E2F8: variants seen among roughly 807,000 people sequenced by gnomAD.
The protein encoded by E2F8 is E2F transcription factor 8, also known as transcription factor E2F8.
E2F8 carries 35 observed loss-of-function variants against 80.8 expected under a neutral mutation model. The ratio of observed to expected loss-of-function variants is 0.43; its 90% CI spans 0.33 to 0.57. E2F8 has a LOEUF of 0.57. Ranked by LOEUF, E2F8 falls within the 20% of genes least tolerant of loss-of-function variation. The pLI is 0.04. For missense variants in E2F8, 975 were observed against 1,056.2 expected (o/e 0.92, Z 1.07); for synonymous variants, 386 against 395.0 (o/e 0.98, Z 0.27).
rs189039019 is a variant in E2F8, at chr11:19,229,387, G to A, written c.1893+67C>T. ...GAATGCTCTTCGGTAAATTTCACAAGCCACCAATCTTCCTGTAATAGACTA... is the reference window on the plus strand; with the variant it reads ...GAATGCTCTTCGGTAAATTTCACAAACCACCAATCTTCCTGTAATAGACTA... On this transcript the variant is annotated intron_variant, in intron 10 of 12. Coordinates refer to ENST00000250024, the MANE Select transcript of E2F8 (RefSeq NM_024680.4). The surrounding 1 kb of genome is among the most constrained non-coding windows in gnomAD (Gnocchi z 4.3). 3.3e-6 allele frequency: 5 copies of A among 1,524,260 alleles called. No homozygotes were observed. In the African/African-American group the frequency reaches 5.6e-5, roughly 17 times the overall value. The allele number at this position is 1,524,260 out of a possible 1,614,324, so 94.4% of individuals were successfully genotyped here. A position where few individuals can be genotyped will look rare whatever the true frequency, so the allele number is the denominator to read the frequency against.
intron 6 of E2F8, 86 bp from the exon 7 acceptor site, chr11:19,232,457 A>G (rs1851407886): frequency 8.5e-7 from 1 of 1,179,226 alleles, no homozygotes; most frequent in African/African-American, 1.5e-5. Context: ...GTATATTCTA[A>G]GAGCTGTCTT....
upstream of E2F8, chr11:19,241,323 C>G (rs1365563754): frequency 6.7e-6 from 1 of 148,880 alleles, no homozygotes; most frequent in Non-Finnish European, 1.4e-5. The surrounding 1 kb of genome is among the most constrained non-coding windows in gnomAD (Gnocchi z 4.5). Context: ...GGGAAACGGC[C>G]GCCGCCGCCG....
At position 19,225,285 on chromosome 11, in the gene E2F8, T is replaced by A; in HGVS notation, c.2357A>T (p.Asp786Val). The A allele has an allele frequency of 3.7e-6, 6 of 1,614,036 alleles. No homozygotes were observed. The highest frequency in any genetic ancestry group is 5.1e-6 in the Non-Finnish European group (6 of 1,180,014). ...GTQQGRATNY[D>V]SPVPGQSQPN... is the part of the protein sequence containing the mutation. ...CTGGCTCTGGCCTGGGACTGGTGAGTCATAGTTGGTGGCCCTTCCTTGCTG... is the reference window on the plus strand; with the variant it reads ...CTGGCTCTGGCCTGGGACTGGTGAGACATAGTTGGTGGCCCTTCCTTGCTG... Residue 786 changes from aspartate (D) to valine (V), a missense_variant, in exon 12 of 13, where the codon GAC becomes GTC. Coordinates refer to ENST00000250024, the MANE Select transcript of E2F8 (RefSeq NM_024680.4).
intron 6 of E2F8, among the ~76,000 whole-genome samples, chr11:19,232,600 A>G (rs777001965): frequency 1.3e-5 from 2 of 152,222 alleles, no homozygotes; most frequent in Non-Finnish European, 2.9e-5. Context: ...TGAAATGACA[A>G]TAGCATACGT....
chr11:19,227,226 T>TA (rs1241570836), intron 10 of E2F8, among the ~76,000 whole-genome samples: 3 of 152,194 alleles, frequency 2.0e-5, no homozygotes, highest in Non-Finnish European at 2.9e-5. Flanking sequence ...TCCACAAAGC[T>TA]AAAAGTATAC....
rs141149659 is a variant in E2F8 at position 19,225,414 on chromosome 11, A to T, written c.2228T>A (p.Leu743His). The change falls in exon 12 of 13, where the codon CTC becomes CAC. Residue 743 changes from leucine (L) to histidine (H), a missense_variant. Coordinates refer to ENST00000250024, the MANE Select transcript of E2F8 (RefSeq NM_024680.4). ...AGACAACTGCACATTGGGTGAGATG[A>T]GTCCCAGGTGCTGCAGGGTGAAGTT... ...IVNFTLQHLG[L>H]ISPNVQLSAS... 1 of 1,614,226 alleles carries T rather than the reference A, an allele frequency of 6.2e-7. No individual in the cohort carries two copies. The highest frequency in any genetic ancestry group is 8.5e-7 in the Non-Finnish European group (1 of 1,180,048).
At chr11:19,237,759 G>A in intron 3 of E2F8, 95 bp downstream of exon 3, 1 of 1,476,812 alleles carries the variant, frequency 6.8e-7, no homozygotes, top group African/African-American at 1.4e-5. Context: ...TTCGGGTGGT[G>A]ATGCTTTAAA....
rs1402658999 is a variant in E2F8, at chr11:19,234,518, G to A, written c.770C>T (p.Ser257Phe). 24 of 1,613,544 alleles carry A rather than the reference G, an allele frequency of 1.5e-5. No individual in the cohort carries two copies. The highest frequency in any genetic ancestry group is 1.9e-5 in the Non-Finnish European group (23 of 1,179,910). ...AGACTTGTCTTTGCGGCTGTTTACA[G>A]AAGCTTTAGAGAAGGATGAGGATTA... ...ELPGVEFRAA[S>F]VNSRKDKSLR... The change falls in exon 6 of 13, where the codon TCT (serine) becomes TTT (phenylalanine). Residue 257 changes from serine (S) to phenylalanine (F), a missense_variant. Ser to Phe is a radical substitution (Grantham distance 155). Transcript: ENST00000250024.
At chr11:19,236,718 C>G (rs1851528730) in intron 4 of E2F8, among the ~76,000 whole-genome samples, 2 of 152,194 alleles carry the variant, frequency 1.3e-5, no homozygotes, top group African/African-American at 4.8e-5. Flanking sequence ...CACATCACTT[C>G]ACAGGTTTAA....
At position 19,226,017 on chromosome 11, in the gene E2F8, C is replaced by T. The variant is rs551334489; in HGVS notation, c.1894-153G>A. ...TGCAGGCAGGCTGGTCACCTGGCTC[C>T]TAGAGGAGAATACCCTCCCACCCTT... On this transcript the variant is annotated intron_variant, in intron 10 of 12. Transcript: ENST00000250024. 1.2e-4 allele frequency: 93 copies of T among 808,674 alleles called. 2 individuals are homozygous for T. The South Asian group carries it at 1.6e-3, about 14-fold the overall frequency. 50.1% of individuals were successfully genotyped at this position (808,674 alleles called of 1,614,324 possible).
In E2F8 at chr11:19,237,300, CT is replaced by C. The variant is rs985581069; in HGVS notation, c.451+13del. On this transcript the variant is annotated intron_variant, in intron 4 of 12. Transcript: ENST00000250024. The stretch of plus-strand genomic sequence containing the variant: ...TAATTATTAATTCTTTCAGTGAGTT[CT>C]TTGCATACTTACTAAGTTCCTCTGC... The C allele has an allele frequency of 3.7e-6, 6 of 1,613,342 alleles. No homozygotes were observed. Among genetic ancestry groups the C allele is most frequent in the Non-Finnish European group, 5.1e-6 (6 of 1,179,574 alleles).
Position 19,230,659 on chromosome 11 carries a change from C to G in E2F8, c.1242G>C (p.Ala414=). 6.2e-7 allele frequency: 1 copy of G among 1,614,112 alleles called. No individual in the cohort carries two copies. Among genetic ancestry groups the G allele is most frequent in the East Asian group, 2.2e-5 (1 of 44,882 alleles). The change falls in exon 8 of 13, where the codon GCG becomes GCC. Residue 414 remains alanine, a synonymous_variant. Transcript: ENST00000250024. The part of the protein sequence containing the change: ...IESDRRKINS[A]PSSPIKTNKA... ...TGTTGGTCTTGATAGGGCTACTGGGCGCAGAATTTATCTTTCTCCGATCAC... is the reference window on the plus strand; with the variant it reads ...TGTTGGTCTTGATAGGGCTACTGGGGGCAGAATTTATCTTTCTCCGATCAC...
chr11:19,232,765 C>G (rs1851414911), intron 6 of E2F8, among the ~76,000 whole-genome samples: 1 of 152,120 alleles, frequency 6.6e-6, no homozygotes, highest in East Asian at 1.9e-4. Context: ...AAATGTCTTG[C>G]TTTTCTGCTT....
chr11:19,236,788 T>C (rs1851530203), intron 4 of E2F8, among the ~76,000 whole-genome samples: 1 of 152,110 alleles, frequency 6.6e-6, no homozygotes, highest in South Asian at 2.1e-4. Flanking sequence ...CCTTTTTAGC[T>C]CCAAATAGAT....
intron 2 of E2F8, among the ~76,000 whole-genome samples, chr11:19,239,899 T>C (rs1470536748): frequency 6.6e-6 from 1 of 151,036 alleles, no homozygotes; most frequent in Non-Finnish European, 1.5e-5. Flanking sequence ...AATTTTCATT[T>C]TTTAAACTAT....
chr11:19,224,735 CCT>C lies in E2F8; in HGVS notation c.2525_2526del (p.Glu842GlyfsTer3). ...KPTSSSCMDFEGANKTSLGTL... is the reference protein window; with the variant it reads ...KPTSSSCMDFXGANKTSLGTL... ...GTTCCTAAGGAGGTTTTATTAGCAC[CCT>C]CAAAATCCATGCAGGATGAGCTGGT... On this transcript the variant is annotated frameshift_variant, in exon 13 of 13. Coordinates refer to ENST00000250024, the MANE Select transcript of E2F8 (RefSeq NM_024680.4). LOFTEE classifies it high-confidence loss of function. 6.2e-7 allele frequency: 1 copy of C among 1,614,106 alleles called. No homozygotes were observed. Among genetic ancestry groups the C allele is most frequent in the South Asian group, 1.1e-5 (1 of 91,074 alleles).
At chr11:19,232,458 G>A in intron 6 of E2F8, 87 bp from the exon 7 acceptor site, 1 of 1,172,866 alleles carries the variant, frequency 8.5e-7, no homozygotes, top group Non-Finnish European at 1.2e-6. Context: ...TATATTCTAA[G>A]AGCTGTCTTA....
intron 4 of E2F8, among the ~76,000 whole-genome samples, chr11:19,237,065 A>G (rs1851537348): frequency 6.6e-6 from 1 of 152,234 alleles, no homozygotes; most frequent in Non-Finnish European, 1.5e-5. Context: ...GCCTTTCTTT[A>G]AAGCTTCAGA....
chr11:19,234,612 C>T, intron 5 of E2F8, 91 bp from the exon 6 acceptor site: 2 of 1,550,868 alleles, frequency 1.3e-6, no homozygotes, highest in African/African-American at 1.4e-5. Flanking sequence ...ACCACCTGAT[C>T]ATACAGCTGA....
Sources: gnomAD v4.1 joint callset for allele counts (sites outside exome capture counted in the v4.1 genomes callset) on GRCh38, gnomAD v4.1.1 for gene constraint, Gnocchi (gnomAD v3.1) non-coding constraint, MANE v1.5 for transcripts, NCBI Gene and HGNC (gene_info 2026-07-23, HGNC 2026-07-21) for gene names.